Variants in KYAT3 observed in about 807,000 individuals in gnomAD.
The protein encoded by KYAT3 is kynurenine--oxoglutarate transaminase 3.
In KYAT3, 50 loss-of-function variants were observed where a neutral mutation model predicts 59.0. That is an observed-to-expected ratio of 0.85 (90% CI 0.68 to 1.07). The LOEUF (loss-of-function observed/expected upper bound fraction) is 1.07. Among genes scored for constraint, KYAT3 ranks in the 50% least tolerant of loss-of-function variants. KYAT3 has a pLI of 0.00. For missense variants in KYAT3, 497 were observed against 533.3 expected (o/e 0.93, Z 0.67); for synonymous variants, 148 against 177.0 (o/e 0.84, Z 1.30).
At chr1:88,924,682 G>A in the KYAT3 span, among the ~76,000 whole-genome samples, 3 of 152,124 alleles carry the variant, frequency 2.0e-5, no homozygotes, top group African/African-American at 4.8e-5. Flanking sequence ...TCGCAGACTC[G>A]CTGCTGACTT....
chr1:88,990,171 C>T (rs908656852), intron 1 of KYAT3, among the ~76,000 whole-genome samples: 1 of 152,162 alleles, frequency 6.6e-6, no homozygotes, highest in African/African-American at 2.4e-5. Flanking sequence ...ATCGCCTCTC[C>T]TCCACGACTT....
chr1:88,991,900 A>T lies in KYAT3; in HGVS notation c.-2+685T>A, dbSNP rs186602144. On this transcript the variant is annotated intron_variant, in intron 1 of 13. Coordinates refer to ENST00000260508, the MANE Select transcript of KYAT3 (RefSeq NM_001008661.3). ...CGCCACTCGACTCCAAAAGCAACAG[A>T]CTGCCTTTCTGTTTTAACTACAAAT... 3.9e-4 allele frequency among the ~76,000 whole-genome samples: 60 copies of T among 152,144 alleles called. No homozygotes were observed. The East Asian group carries it at 6.8e-3, about 17-fold the overall frequency.
At chr1:88,929,502 C>T in the KYAT3 span, among the ~76,000 whole-genome samples, 12 of 152,280 alleles carry the variant, frequency 7.9e-5, no homozygotes, top group East Asian at 2.1e-3. Flanking sequence ...TGTTTTACCC[C>T]AAGGGTTCAG....
intron 2 of KYAT3, among the ~76,000 whole-genome samples, chr1:88,984,278 A>T (rs1413093063): frequency 2.3e-5 from 3 of 130,878 alleles, no homozygotes; most frequent in Non-Finnish European, 4.6e-5. Context: ...GCAGCGGCGC[A>T]ATCTTGGCTC....
chr1:88,976,974 G>A (rs1272928793), intron 2 of KYAT3, among the ~76,000 whole-genome samples: 1 of 152,154 alleles, frequency 6.6e-6, no homozygotes, highest in African/African-American at 2.4e-5. Flanking sequence ...AGTTACAGTA[G>A]GTGAATTGTC....
rs1282330309 is a variant in KYAT3 at position 88,971,931 on chromosome 1, A to G, written c.100-2464T>C. Among the ~76,000 whole-genome samples, 4 of 152,330 alleles carry G rather than the reference A, an allele frequency of 2.6e-5. No homozygotes were observed. In the East Asian group the frequency reaches 7.7e-4, roughly 29 times the overall value. On this transcript the variant is annotated intron_variant, in intron 2 of 13. Coordinates refer to ENST00000260508, the MANE Select transcript of KYAT3 (RefSeq NM_001008661.3). ...TTTAAGCAAAATGATATACAGCATGACCAATTTTACCATAGGCTAATTGAG... is the reference window on the plus strand; with the variant it reads ...TTTAAGCAAAATGATATACAGCATGGCCAATTTTACCATAGGCTAATTGAG...
the KYAT3 span, among the ~76,000 whole-genome samples, chr1:88,922,518 G>C: frequency 1.3e-5 from 2 of 152,188 alleles, no homozygotes; most frequent in Non-Finnish European, 2.9e-5. Context: ...TTTCAGATCA[G>C]TGGTGGCATT....
chr1:88,943,824 C>T (rs1204121399), intron 11 of KYAT3, among the ~76,000 whole-genome samples: 1 of 152,202 alleles, frequency 6.6e-6, no homozygotes, highest in Non-Finnish European at 1.5e-5. Context: ...CATAGCCACT[C>T]ATTCGACTAT....
At chr1:88,977,435 C>T (rs981390002) in intron 2 of KYAT3, among the ~76,000 whole-genome samples, 7 of 152,224 alleles carry the variant, frequency 4.6e-5, no homozygotes, top group Non-Finnish European at 7.3e-5. Context: ...CTCCTGACCT[C>T]AGGCGATCTG....
intron 13 of KYAT3, among the ~76,000 whole-genome samples, chr1:88,939,496 A>G (rs1675159297): frequency 6.6e-6 from 1 of 152,146 alleles, no homozygotes; most frequent in Admixed American, 6.6e-5. Flanking sequence ...CTTACTGTCT[A>G]GGTGACCAAA....
chr1:88,952,103 A>T (rs1675698509), intron 10 of KYAT3, among the ~76,000 whole-genome samples: 1 of 152,228 alleles, frequency 6.6e-6, no homozygotes, highest in African/African-American at 2.4e-5. Flanking sequence ...TGAGCTGAAG[A>T]ACCGTAGGAT....
intron 2 of KYAT3, among the ~76,000 whole-genome samples, chr1:88,986,181 G>GA (rs200114549): frequency 9.7e-4 from 135 of 138,478 alleles, no homozygotes; most frequent in African/African-American, 1.5e-3. Flanking sequence ...GAGACTGTAT[G>GA]AAAAAAAAAA....
chr1:88,940,014 T>C (rs1489712815), intron 13 of KYAT3, among the ~76,000 whole-genome samples: 1 of 152,154 alleles, frequency 6.6e-6, no homozygotes, highest in African/African-American at 2.4e-5. Context: ...CCTTTCTCTT[T>C]TCCTTATACT....
rs143730664 is a variant in KYAT3, at chr1:88,976,581, T to C, written c.100-7114A>G. Among the ~76,000 whole-genome samples the C allele has an allele frequency of 2.7e-3, 412 of 152,350 alleles. 3 individuals are homozygous for C. The highest frequency in any genetic ancestry group is 9.5e-3 in the African/African-American group (393 of 41,578). On this transcript the variant is annotated intron_variant, in intron 2 of 13. Coordinates refer to ENST00000260508, the MANE Select transcript of KYAT3 (RefSeq NM_001008661.3). Reference sequence around the variant, plus strand: ...TGTATTTACTATACCATACCTTTTATTGTTATTTTAGAGTGTACCCTTACT... The same window carrying C: ...TGTATTTACTATACCATACCTTTTACTGTTATTTTAGAGTGTACCCTTACT...
chr1:88,925,067 A>G, the KYAT3 span, among the ~76,000 whole-genome samples: 1 of 152,192 alleles, frequency 6.6e-6, no homozygotes, highest in Non-Finnish European at 1.5e-5. Flanking sequence ...AGCGGTGAGT[A>G]ATATTAGACC....
chr1:88,944,212 A>G (rs1675350100), intron 11 of KYAT3, among the ~76,000 whole-genome samples: 1 of 152,204 alleles, frequency 6.6e-6, no homozygotes, highest in African/African-American at 2.4e-5. Context: ...TAAAGCAACT[A>G]ATATTGATGG....
downstream of KYAT3, among the ~76,000 whole-genome samples, chr1:88,933,630 G>A (rs942244077): frequency 3.3e-5 from 5 of 152,212 alleles, no homozygotes; most frequent in African/African-American, 1.2e-4. Context: ...AGTAGAGATT[G>A]AAGGTCCAAG....
intron 8 of KYAT3, among the ~76,000 whole-genome samples, chr1:88,957,932 A>C (rs1003805008): frequency 6.6e-6 from 1 of 152,174 alleles, no homozygotes; most frequent in South Asian, 2.1e-4. Flanking sequence ...TTAAAACATG[A>C]TAACATTTTG....
intron 2 of KYAT3, among the ~76,000 whole-genome samples, chr1:88,977,172 GC>G (rs1676823924): frequency 6.6e-6 from 1 of 151,948 alleles, no homozygotes; most frequent in South Asian, 2.1e-4. Context: ...GTGCCACCAT[GC>G]CCAGCTAAAT....
Sources: gnomAD v4.1 joint callset for allele counts (sites outside exome capture counted in the v4.1 genomes callset) on GRCh38, gnomAD v4.1.1 for gene constraint, MANE v1.5 for transcripts, NCBI Gene and HGNC (gene_info 2026-07-23, HGNC 2026-07-21) for gene names.